The following VGLL4 variants were observed in gnomAD, a reference collection of about 807,000 sequenced individuals.
VGLL4 encodes transcription cofactor vestigial-like protein 4.
Under a neutral mutation model 21.0 loss-of-function variants are expected in VGLL4, and 7 were observed. The ratio of observed to expected loss-of-function variants is 0.33; its 90% CI spans 0.19 to 0.63. The LOEUF (loss-of-function observed/expected upper bound fraction) is 0.63. Ranked by LOEUF, VGLL4 falls within the 20% of genes least tolerant of loss-of-function variation. VGLL4 has a pLI of 0.78. For missense variants in VGLL4, 394 were observed against 425.7 expected (o/e 0.93, Z 0.66); for synonymous variants, 222 against 173.2 (o/e 1.28, Z -2.21).
chr3:11,659,884 C>T (rs777711854), intron 2 of VGLL4, among the ~76,000 whole-genome samples: 77 of 151,840 alleles, frequency 5.1e-4, no homozygotes, highest in Non-Finnish European at 5.2e-4. Context: ...CCATCTTGGC[C>T]GGGCGCGGTG....
At chr3:11,710,831 G>A (rs930655537) in intron 1 of VGLL4, among the ~76,000 whole-genome samples, 1 of 152,160 alleles carries the variant, frequency 6.6e-6, no homozygotes, top group Non-Finnish European at 1.5e-5. Flanking sequence ...TGGGCACCGT[G>A]GCTCATGCAT....
intron 1 of VGLL4, among the ~76,000 whole-genome samples, chr3:11,614,469 AG>A (rs1329701691): frequency 1.3e-5 from 2 of 152,216 alleles, no homozygotes; most frequent in African/African-American, 4.8e-5. Flanking sequence ...TGGCATACAG[AG>A]TGCTGAAGGA....
intron 1 of VGLL4, among the ~76,000 whole-genome samples, chr3:11,706,552 C>T (rs2076763557): frequency 1.3e-5 from 2 of 152,204 alleles, no homozygotes; most frequent in Admixed American, 6.5e-5. Flanking sequence ...TGTCAGCTAA[C>T]GTGTTTGCCT....
chr3:11,563,557 C>CACACACA (rs1455892653), intron 3 of VGLL4, among the ~76,000 whole-genome samples: 3 of 152,226 alleles, frequency 2.0e-5, no homozygotes, highest in Non-Finnish European at 2.9e-5. Context: ...CTCTGGCTGC[C>CACACACA]CACAGCTCTG....
At chr3:11,623,559 C>T (rs1287480381) in intron 1 of VGLL4, among the ~76,000 whole-genome samples, 1 of 151,958 alleles carries the variant, frequency 6.6e-6, no homozygotes, top group East Asian at 1.9e-4. Context: ...TTCTTTCTGT[C>T]AGGGTTTTCT....
intron 2 of VGLL4, among the ~76,000 whole-genome samples, chr3:11,693,759 C>T (rs192512582): frequency 2.4e-3 from 362 of 152,318 alleles, no homozygotes; most frequent in Non-Finnish European, 4.0e-3. Context: ...GCACACGCTA[C>T]CACACGTCCT....
intron 1 of VGLL4, among the ~76,000 whole-genome samples, chr3:11,712,107 T>G (rs921577592): frequency 6.6e-6 from 1 of 152,228 alleles, no homozygotes; most frequent in African/African-American, 2.4e-5. Flanking sequence ...TAATCCTTTT[T>G]TCTTCTCGCA....
At chr3:11,633,977 G>A (rs2075537563) in intron 1 of VGLL4, among the ~76,000 whole-genome samples, 2 of 152,212 alleles carry the variant, frequency 1.3e-5, no homozygotes, top group African/African-American at 2.4e-5. Context: ...GCAATTAACA[G>A]GAAAATTAAT....
intron 2 of VGLL4, among the ~76,000 whole-genome samples, chr3:11,572,248 C>T (rs1232033911): frequency 6.6e-6 from 1 of 152,238 alleles, no homozygotes; most frequent in South Asian, 2.1e-4. Context: ...GCAAAATAAG[C>T]ATCATCTCCA....
chr3:11,571,199 C>T (rs373356814), intron 2 of VGLL4, among the ~76,000 whole-genome samples: 7 of 152,286 alleles, frequency 4.6e-5, no homozygotes, highest in African/African-American at 1.7e-4. Flanking sequence ...GGTCCATCCT[C>T]GCTGGCAGGG....
chr3:11,601,949 G>A lies in VGLL4; in HGVS notation c.156C>T (p.Thr52=), dbSNP rs151086238. The A allele has an allele frequency of 3.1e-4, 501 of 1,612,738 alleles. 1 individual carries two copies. In the African/African-American group the frequency reaches 5.1e-3, roughly 17 times the overall value. The change falls in exon 2 of 5, where the codon ACC becomes ACT. Residue 52 remains threonine (T), a synonymous_variant. Coordinates refer to ENST00000430365, the MANE Select transcript of VGLL4 (RefSeq NM_001128219.3). ...TGCTGGGGCTGATTGGGGGAGGGCC[G>A]GTGCGGTGACTGCTGAGGGCAGAGG... ...PVASALSSHR[T]GPPPISPSKR... is the part of the protein sequence containing the mutation.
chr3:11,682,577 G>A (rs959024751), intron 2 of VGLL4, among the ~76,000 whole-genome samples: 11 of 151,934 alleles, frequency 7.2e-5, no homozygotes, highest in African/African-American at 1.2e-4. Context: ...GACTTTCTCC[G>A]ATGAAGAATA....
intron 2 of VGLL4, among the ~76,000 whole-genome samples, chr3:11,575,804 G>A (rs951874802): frequency 6.6e-6 from 1 of 152,208 alleles, no homozygotes; most frequent in African/African-American, 2.4e-5. Context: ...AGTGAGTCTG[G>A]GGCCAACCCC....
At chr3:11,661,962 A>G (rs2076045344) in intron 2 of VGLL4, among the ~76,000 whole-genome samples, 2 of 152,252 alleles carry the variant, frequency 1.3e-5, no homozygotes, top group Non-Finnish European at 2.9e-5. Context: ...AAGTGGAGAC[A>G]CTGATGGAAA....
chr3:11,623,360 T>C (rs2075299425), intron 1 of VGLL4, among the ~76,000 whole-genome samples: 1 of 152,138 alleles, frequency 6.6e-6, no homozygotes, highest in Non-Finnish European at 1.5e-5. Flanking sequence ...ATCCCACCAA[T>C]GGCAAAATCC....
At position 11,565,764 on chromosome 3, in the gene VGLL4, T is replaced by TCA. The variant is rs1233122441; in HGVS notation, c.273-747_273-746dup. 6.6e-6 allele frequency among the ~76,000 whole-genome samples: 1 copy of TCA among 152,118 alleles called. No homozygotes were observed. Among genetic ancestry groups the TCA allele is most frequent in the East Asian group, 1.9e-4 (1 of 5,198 alleles). Reference sequence around the variant, plus strand: ...GCCACGTGGAATCCAGGTGAGACAGTCAGCACCACCTCCATCTGATGTGTT... The same window carrying TCA: ...GCCACGTGGAATCCAGGTGAGACAGTCACAGCACCACCTCCATCTGATGTGTT... On this transcript the variant is annotated intron_variant, in intron 2 of 4. Transcript: ENST00000430365. The surrounding 1 kb of genome is among the most constrained non-coding windows in gnomAD (Gnocchi z 4.1).
chr3:11,609,652 G>C (rs1028615803), intron 1 of VGLL4, among the ~76,000 whole-genome samples: 7 of 152,240 alleles, frequency 4.6e-5, no homozygotes, highest in Non-Finnish European at 1.5e-5. Context: ...GACTCTCCCA[G>C]GGATAAGGCG....
Position 11,604,334 on chromosome 3 carries a change from C to G in VGLL4, c.83-2312G>C. ...CATAGCGTGACTTACCCAAGATCCTCCAGTTAACAGGTTAGCTGGAGGCAA... is the reference window on the plus strand; with the variant it reads ...CATAGCGTGACTTACCCAAGATCCTGCAGTTAACAGGTTAGCTGGAGGCAA... On this transcript the variant is annotated intron_variant, in intron 1 of 4. Coordinates refer to ENST00000430365, the MANE Select transcript of VGLL4 (RefSeq NM_001128219.3). The G allele has an allele frequency of 3.3e-6, 3 of 913,468 alleles. 1 individual carries two copies. The highest frequency in any genetic ancestry group is 3.8e-6 in the Non-Finnish European group (3 of 779,400). The allele number at this position is 913,468 out of a possible 1,614,324, so 56.6% of individuals were successfully genotyped here. A position where few individuals can be genotyped will look rare whatever the true frequency, so the allele number is the denominator to read the frequency against.
chr3:11,594,223 G>C (rs759246690), intron 2 of VGLL4, among the ~76,000 whole-genome samples: 5 of 152,222 alleles, frequency 3.3e-5, no homozygotes, highest in African/African-American at 4.8e-5. Flanking sequence ...ATCATCAAAT[G>C]ATCACTGGTG....
Sources: gnomAD v4.1 joint callset for allele counts (sites outside exome capture counted in the v4.1 genomes callset) on GRCh38, gnomAD v4.1.1 for gene constraint, Gnocchi (gnomAD v3.1) non-coding constraint, MANE v1.5 for transcripts, NCBI Gene and HGNC (gene_info 2026-07-23, HGNC 2026-07-21) for gene names.